TSC2: variants seen among roughly 807,000 people sequenced by gnomAD.
The protein encoded by TSC2 is tuberin.
A neutral mutation model predicts 202.2 loss-of-function variants in TSC2; 29 were observed. The ratio of observed to expected loss-of-function variants is 0.14; its 90% CI spans 0.11 to 0.20. TSC2 has a LOEUF of 0.20. Ranked by LOEUF, TSC2 falls within the 10% of genes least tolerant of loss-of-function variation. The probability of loss-of-function intolerance (pLI) is 1.00; values close to 1 mark genes in which losing one functional copy is unlikely to be tolerated. For synonymous variants in TSC2, 1,349 were observed against 1,044.0 expected (o/e 1.29, Z -5.63); for missense variants, 2,429 against 2,420.0 (o/e 1.00, Z -0.08).
chr16:2,064,563 G>A, intron 15 of TSC2, 136 bp downstream of exon 15: 2 of 1,397,578 alleles, frequency 1.4e-6, no homozygotes, highest in Non-Finnish European at 2.0e-6. Context: ...TCCCTGCAGG[G>A]TGGGTGTCCC....
intron 31 of TSC2, 54 bp from the exon 32 acceptor site, chr16:2,082,382 C>A: frequency 6.3e-7 from 1 of 1,596,808 alleles, no homozygotes; most frequent in South Asian, 1.1e-5. Flanking sequence ...TCTGCTCGAC[C>A]TGTGTGTAGC....
chr16:2,056,386 C>CCCA, intron 7 of TSC2, 142 bp downstream of exon 7: 1 of 1,264,480 alleles, frequency 7.9e-7, no homozygotes, highest in South Asian at 1.3e-5. Context: ...TCAGGAGTCC[C>CCCA]CCATGTAAGT....
intron 38 of TSC2, among the ~76,000 whole-genome samples, chr16:2,087,491 G>T (rs528976731): frequency 8.5e-5 from 13 of 152,076 alleles, no homozygotes; most frequent in South Asian, 4.2e-4. Flanking sequence ...CAGTTGGGGG[G>T]GGGGGGGCAC....
intron 11 of TSC2, chr16:2,061,574 G>A: frequency 2.1e-6 from 1 of 475,864 alleles, no homozygotes; most frequent in South Asian, 2.0e-5. Flanking sequence ...TTCCTTGGGG[G>A]GTGGGGTACG....
intron 25 of TSC2, 170 bp downstream of exon 25, chr16:2,076,755 C>T: frequency 1.4e-6 from 1 of 695,672 alleles, no homozygotes; most frequent in Non-Finnish European, 2.4e-6. Flanking sequence ...CTCAGCCCCT[C>T]AGCAGGTTGG....
Position 2,079,751 on chromosome 16 carries a change from G to A in TSC2, c.3397+82G>A, listed in dbSNP as rs928625427. ...TGGTCCCAGTGTTCAGGAAGGCCCC[G>A]AGCCCAGGGGCCGGGGTGGCTGGCT... On this transcript the variant is annotated intron_variant, in intron 29 of 41. Coordinates refer to ENST00000219476, the MANE Select transcript of TSC2 (RefSeq NM_000548.5). This position sits in a 1 kb window ranked among gnomAD's most constrained non-coding sequence, Gnocchi z 4.6. The A allele has an allele frequency of 1.6e-5, 22 of 1,414,716 alleles. No homozygotes were observed. The Admixed American group carries it at 1.9e-4, about 12-fold the overall frequency. The allele number at this position is 1,414,716 out of a possible 1,614,324, so 87.6% of individuals were successfully genotyped here.
rs919235844 is a variant in TSC2 at position 2,076,407 on chromosome 16, G to A, written c.2743-84G>A. 1.4e-5 allele frequency: 22 copies of A among 1,596,034 alleles called. No homozygotes were observed. The Admixed American group carries it at 3.7e-4, about 27-fold the overall frequency. Reference sequence around the variant, plus strand: ...TGCCCCTAGCCTGCAGCTTGTCCCTGGCCAGGGGGCACCCGGCAGGCCTGG... The same window carrying A: ...TGCCCCTAGCCTGCAGCTTGTCCCTAGCCAGGGGGCACCCGGCAGGCCTGG... On this transcript the variant is annotated intron_variant, in intron 24 of 41. Coordinates refer to ENST00000219476, the MANE Select transcript of TSC2 (RefSeq NM_000548.5).
rs45517305 is a variant in TSC2, at chr16:2,081,646, C to T, written c.3662C>T (p.Ser1221Leu). ...GAGAACCCGCTCAGCCCTTTCTCCTCGGACATCAACAACATGCCCCTGCAG... is the reference window on the plus strand; with the variant it reads ...GAGAACCCGCTCAGCCCTTTCTCCTTGGACATCAACAACATGCCCCTGCAG... The part of the protein sequence containing the change: ...SLENPLSPFS[S>L]DINNMPLQEL... Residue 1221 changes from serine (S) to leucine (L), a missense_variant, in exon 31 of 42, where the codon TCG becomes TTG. Ser to Leu is a moderately radical substitution (Grantham distance 145, BLOSUM62 -2). Transcript: ENST00000219476. 4 of 1,612,956 alleles carry T rather than the reference C, an allele frequency of 2.5e-6. No individual in the cohort carries two copies. The highest frequency in any genetic ancestry group is 1.3e-5 in the African/African-American group (1 of 75,064).
Position 2,089,485 on chromosome 16 carries a change from CT to C in TSC2, c.*876del, listed in dbSNP as rs2091351295. 5 of 577,384 alleles carry C rather than the reference CT, an allele frequency of 8.7e-6. No homozygotes were observed. In the Admixed American group the frequency reaches 1.5e-4, roughly 18 times the overall value. 35.8% of individuals were successfully genotyped at this position (577,384 alleles called of 1,614,324 possible). Reference sequence around the variant, plus strand: ...GGGAAATAAATTAGCATCTCAGAGGCTAGAAACCGTCCAATACTGCTGTGTC... The same window carrying C: ...GGGAAATAAATTAGCATCTCAGAGGCAGAAACCGTCCAATACTGCTGTGTC... On this transcript the variant is annotated 3_prime_UTR_variant, in exon 42 of 42. Coordinates refer to ENST00000219476, the MANE Select transcript of TSC2 (RefSeq NM_000548.5).
At position 2,076,028 on chromosome 16, in the gene TSC2, C is replaced by T. The variant is rs371353959; in HGVS notation, c.2640-40C>T. The T allele has an allele frequency of 5.6e-6, 9 of 1,613,498 alleles. No homozygotes were observed. In the South Asian group the frequency reaches 8.8e-5, roughly 16 times the overall value. On this transcript the variant is annotated intron_variant, in intron 23 of 41. Coordinates refer to ENST00000219476, the MANE Select transcript of TSC2 (RefSeq NM_000548.5). ...CACTTCATGCCCTGGGGATGTTTCC[C>T]TGCTGCCAGGATGGAGTGCCAGCCC...
chr16:2,086,147 C>G (rs2151567463), intron 36 of TSC2, 46 bp from the exon 37 acceptor site: 1 of 1,609,506 alleles, frequency 6.2e-7, no homozygotes, highest in South Asian at 1.1e-5. Context: ...CGGGGCAGGG[C>G]CCGGCCCGGG....
intron 21 of TSC2, 85 bp from the exon 22 acceptor site, chr16:2,074,115 G>C: frequency 6.4e-7 from 1 of 1,564,296 alleles, no homozygotes; most frequent in Non-Finnish European, 8.7e-7. Flanking sequence ...CTGTTCTCCC[G>C]GTGGAGCACT....
At chr16:2,081,415 T>C in intron 30 of TSC2, 180 bp from the exon 31 acceptor site, 2 of 782,314 alleles carry the variant, frequency 2.6e-6, no homozygotes, top group Non-Finnish European at 4.3e-6. Flanking sequence ...AGGCAGGGGC[T>C]GAGCGGGGCA....
At position 2,063,079 on chromosome 16, in the gene TSC2, G is replaced by A. The variant is rs775442927; in HGVS notation, c.1443+26G>A. 2.4e-5 allele frequency: 37 copies of A among 1,550,972 alleles called. No individual in the cohort carries two copies. In the Admixed American group the frequency reaches 7.1e-4, roughly 30 times the overall value. On this transcript the variant is annotated intron_variant, in intron 14 of 41. Transcript: ENST00000219476. The stretch of plus-strand genomic sequence containing the variant: ...GTGCGTGTCCAGGCGGCCGCAGCTG[G>A]GGGCTCAGGGCTATTTCTCCGTGGG...
chr16:2,088,202 G>A (rs755696042), intron 40 of TSC2, 25 bp from the exon 41 acceptor site: 5 of 1,612,192 alleles, frequency 3.1e-6, no homozygotes, highest in African/African-American at 1.3e-5. Context: ...CTGATAGTGA[G>A]CTCACCCCCT....
At chr16:2,065,739 C>T in intron 16 of TSC2, 104 bp downstream of exon 16, 3 of 1,049,552 alleles carry the variant, frequency 2.9e-6, no homozygotes, top group Non-Finnish European at 4.4e-6. Context: ...GGACCCACAC[C>T]CTCCCTGGAT....
At chr16:2,059,959 C>A (rs1194507288) in intron 10 of TSC2, among the ~76,000 whole-genome samples, 2 of 152,178 alleles carry the variant, frequency 1.3e-5, no homozygotes, top group African/African-American at 4.8e-5. Context: ...CTGCGCGCAG[C>A]CCAAAGGCTT....
rs779027076 is a variant in TSC2 at position 2,078,780 on chromosome 16, T to C, written c.2967-252T>C. The C allele has an allele frequency of 1.6e-4, 89 of 561,430 alleles. 1 individual carries two copies. Among genetic ancestry groups the C allele is most frequent in the Middle Eastern group, 9.6e-4 (2 of 2,084 alleles). 34.8% of individuals were successfully genotyped at this position (561,430 alleles called of 1,614,324 possible). On this transcript the variant is annotated intron_variant, in intron 26 of 41. Transcript: ENST00000219476. ...CTCCCGTGGGCTTCGGTGAGGGGGA[T>C]GTCGGTCTCTAGCCTCCTGAGTCTG...
chr16:2,049,731 C>T (rs1224765466), intron 2 of TSC2, among the ~76,000 whole-genome samples: 5 of 151,274 alleles, frequency 3.3e-5, no homozygotes, highest in South Asian at 2.1e-4. Flanking sequence ...GGGGCTGAGA[C>T]GAGAATTGCT....
Sources: allele counts gnomAD v4.1 joint callset (sites outside exome capture counted in the v4.1 genomes callset), GRCh38; gene constraint gnomAD v4.1.1; non-coding constraint Gnocchi (gnomAD v3.1); transcripts MANE v1.5; gene names NCBI Gene and HGNC (gene_info 2026-07-23, HGNC 2026-07-21).